SLC8A1: variants seen among roughly 807,000 people sequenced by gnomAD.
The protein encoded by SLC8A1 is sodium/calcium exchanger 1.
In SLC8A1, 18 loss-of-function variants were observed where a neutral mutation model predicts 68.3. The observed-to-expected ratio is 0.26, with a 90% CI of 0.18 to 0.39. The LOEUF is 0.39. Ranked by LOEUF, SLC8A1 falls within the 10% of genes least tolerant of loss-of-function variation. The pLI is 1.00. For synonymous variants in SLC8A1, 475 were observed against 415.5 expected (o/e 1.14, Z -1.74); for missense variants, 985 against 1,156.7 (o/e 0.85, Z 2.15).
intron 1 of SLC8A1, among the ~76,000 whole-genome samples, chr2:40,434,817 G>C (rs1260944331): frequency 6.6e-6 from 1 of 152,112 alleles, no homozygotes; most frequent in Non-Finnish European, 1.5e-5. Flanking sequence ...ACTGACAAAG[G>C]ATGGTAAAAA....
intron 2 of SLC8A1, among the ~76,000 whole-genome samples, chr2:40,361,508 C>T (rs984148938): frequency 6.6e-6 from 1 of 150,380 alleles, no homozygotes; most frequent in African/African-American, 2.4e-5. Flanking sequence ...TTACTGTAAA[C>T]ACTTGAGAAC....
intron 7 of SLC8A1, chr2:40,122,998 A>G (rs2037260854): frequency 6.6e-6 from 1 of 152,198 alleles, no homozygotes; most frequent in South Asian, 2.1e-4. Flanking sequence ...GGAACACAAA[A>G]CAGTGAAGTG....
chr2:40,388,836 A>T (rs1033861946), intron 2 of SLC8A1, among the ~76,000 whole-genome samples: 3 of 152,190 alleles, frequency 2.0e-5, no homozygotes, highest in Non-Finnish European at 4.4e-5. Context: ...AAATACCCAA[A>T]TAACGGGTGT....
intron 2 of SLC8A1, among the ~76,000 whole-genome samples, chr2:40,187,166 G>T (rs2050849691): frequency 6.6e-6 from 1 of 152,138 alleles, no homozygotes; most frequent in South Asian, 2.1e-4. Context: ...GGGCATCCAA[G>T]TCCAGAATCC....
intron 2 of SLC8A1, among the ~76,000 whole-genome samples, chr2:40,397,839 G>C (rs1164996374): frequency 3.3e-5 from 5 of 152,158 alleles, no homozygotes; most frequent in Non-Finnish European, 1.5e-5. Flanking sequence ...CTAGCTACAT[G>C]ACCCAGGGCA....
chr2:40,305,776 T>A (rs2072461685), intron 2 of SLC8A1, among the ~76,000 whole-genome samples: 1 of 152,218 alleles, frequency 6.6e-6, no homozygotes, highest in South Asian at 2.1e-4. Flanking sequence ...GAAAGAAGCC[T>A]CCTTATTTTT....
At chr2:40,133,538 C>A (rs1019217752) in intron 7 of SLC8A1, among the ~76,000 whole-genome samples, 1 of 152,006 alleles carries the variant, frequency 6.6e-6, no homozygotes, top group Non-Finnish European at 1.5e-5. Context: ...TCATACAATG[C>A]CAGAAACTAA....
intron 2 of SLC8A1, among the ~76,000 whole-genome samples, chr2:40,330,503 G>C (rs902215095): frequency 6.6e-6 from 1 of 152,134 alleles, no homozygotes; most frequent in Non-Finnish European, 1.5e-5. Flanking sequence ...AAATACAAGA[G>C]TAGTATTCCT....
At chr2:40,148,366 G>A (rs146076515) in intron 6 of SLC8A1, among the ~76,000 whole-genome samples, 1 of 152,286 alleles carries the variant, frequency 6.6e-6, no homozygotes, top group East Asian at 1.9e-4. Flanking sequence ...AAGGACGCTG[G>A]CTCTACAGCA....
At chr2:40,430,258 C>T (rs199547343) in exon 2 of SLC8A1, 3 of 1,612,134 alleles carry the variant, frequency 1.9e-6, no homozygotes, top group Non-Finnish European at 1.7e-6. Context: ...GGGTGAAAGA[C>T]TTAATCGCCG....
intron 2 of SLC8A1, among the ~76,000 whole-genome samples, chr2:40,309,368 G>A (rs919728881): frequency 6.0e-5 from 9 of 150,384 alleles, no homozygotes; most frequent in Non-Finnish European, 7.4e-5. Flanking sequence ...TTTGGAAGGC[G>A]CACAGATAAA....
chr2:40,369,180 G>A (rs895425499), intron 2 of SLC8A1, among the ~76,000 whole-genome samples: 1 of 152,026 alleles, frequency 6.6e-6, no homozygotes, highest in Non-Finnish European at 1.5e-5. Context: ...AGCAAAAATT[G>A]ACAAATGGGA....
intron 1 of SLC8A1, among the ~76,000 whole-genome samples, chr2:40,433,085 A>T (rs1312756738): frequency 6.6e-6 from 1 of 152,126 alleles, no homozygotes; most frequent in African/African-American, 2.4e-5. Context: ...ACTCCCTTCA[A>T]ATTACTGCCA....
At chr2:40,496,618 G>A (rs1009604626) in intron 1 of SLC8A1, among the ~76,000 whole-genome samples, 10 of 151,922 alleles carry the variant, frequency 6.6e-5, no homozygotes, top group Admixed American at 2.0e-4. Flanking sequence ...TTACTTTCTC[G>A]TCTGTGAATG....
chr2:40,175,167 G>A (rs2048248132), intron 3 of SLC8A1, 94 bp downstream of exon 4: 1 of 1,272,664 alleles, frequency 7.9e-7, no homozygotes, highest in African/African-American at 1.5e-5. Flanking sequence ...AGCAAGTCAA[G>A]AGAAATAAAA....
At chr2:40,217,860 G>C (rs2057731348) in intron 2 of SLC8A1, among the ~76,000 whole-genome samples, 1 of 152,198 alleles carries the variant, frequency 6.6e-6, no homozygotes. Context: ...ACTAGGGTTA[G>C]AAAGTGAAAA....
intron 1 of SLC8A1, among the ~76,000 whole-genome samples, chr2:40,499,185 G>C (rs1006141641): frequency 1.3e-5 from 2 of 149,980 alleles, no homozygotes; most frequent in Non-Finnish European, 2.9e-5. Flanking sequence ...ACAAAAAGAA[G>C]ATACTTTTTT....
intron 4 of SLC8A1, among the ~76,000 whole-genome samples, chr2:40,170,818 T>C (rs559529924): frequency 1.3e-5 from 2 of 152,348 alleles, no homozygotes; most frequent in African/African-American, 4.8e-5. Flanking sequence ...TTGGGAAGCC[T>C]ATTAGTGCCA....
chr2:40,198,138 T>G (rs1269131390), intron 2 of SLC8A1, among the ~76,000 whole-genome samples: 1 of 151,992 alleles, frequency 6.6e-6, no homozygotes, highest in African/African-American at 2.4e-5. Context: ...TATGAATATC[T>G]TATTTTTCTA....
Sources: gnomAD v4.1 joint callset for allele counts (sites outside exome capture counted in the v4.1 genomes callset) on GRCh38, gnomAD v4.1.1 for gene constraint, MANE v1.5 for transcripts, NCBI Gene and HGNC (gene_info 2026-07-23, HGNC 2026-07-21) for gene names.